The following NAPA variants were observed in gnomAD, a reference collection of about 807,000 sequenced individuals.
The protein encoded by NAPA is alpha-soluble NSF attachment protein.
In NAPA, 18 loss-of-function variants were observed where a neutral mutation model predicts 48.0. That is an observed-to-expected ratio of 0.38 (90% CI 0.26 to 0.56). The LOEUF (loss-of-function observed/expected upper bound fraction) is 0.56. Among genes scored for constraint, NAPA ranks in the 20% least tolerant of loss-of-function variants. The probability of loss-of-function intolerance (pLI) is 0.77; values close to 1 mark genes in which losing one functional copy is unlikely to be tolerated. For missense variants in NAPA, 315 were observed against 385.0 expected (o/e 0.82, Z 1.52); for synonymous variants, 152 against 149.9 (o/e 1.01, Z -0.10).
intron 9 of NAPA, among the ~76,000 whole-genome samples, chr19:47,490,075 GGTGT>G (rs397963943): frequency 6.0e-5 from 9 of 149,228 alleles, no homozygotes; most frequent in African/African-American, 2.2e-4. Flanking sequence ...GTGTGTGTGT[GGTGT>G]GTGTGTTGGG....
chr19:47,498,593 C>CT (rs1039274103), intron 3 of NAPA, among the ~76,000 whole-genome samples: 30 of 152,046 alleles, frequency 2.0e-4, no homozygotes, highest in African/African-American at 2.4e-4. Context: ...CTCTGTGAGG[C>CT]TTTTTTTTGG....
At chr19:47,502,896 G>A (rs1167824479) in intron 2 of NAPA, among the ~76,000 whole-genome samples, 3 of 152,182 alleles carry the variant, frequency 2.0e-5, no homozygotes, top group Admixed American at 6.5e-5. Flanking sequence ...TCACTTACTA[G>A]TTCTGGCATC....
At chr19:47,495,734 C>T in intron 3 of NAPA, 138 bp from the exon 4 acceptor site, 1 of 767,016 alleles carries the variant, frequency 1.3e-6, no homozygotes, top group Non-Finnish European at 2.3e-6. Flanking sequence ...AGCGCTGCCA[C>T]ACACTCTCAA....
chr19:47,497,669 G>A (rs541613461), intron 3 of NAPA, among the ~76,000 whole-genome samples: 18 of 152,364 alleles, frequency 1.2e-4, no homozygotes, highest in African/African-American at 2.2e-4. Context: ...CCAGGCCACC[G>A]CCCATCCCCG....
At chr19:47,488,520 G>C in intron 10 of NAPA, 131 bp from the exon 11 acceptor site, 1 of 636,730 alleles carries the variant, frequency 1.6e-6, no homozygotes, top group Non-Finnish European at 2.7e-6. Flanking sequence ...GTAGAGGGAG[G>C]GCTTGAGGCC....
At chr19:47,495,771 CCT>C in intron 3 of NAPA, 175 bp from the exon 4 acceptor site, 1 of 632,294 alleles carries the variant, frequency 1.6e-6, no homozygotes, top group South Asian at 1.8e-5. Flanking sequence ...GGACGGAATC[CCT>C]GAGCCCCAGG....
At chr19:47,488,618 A>G (rs1968148798) in intron 10 of NAPA, 1 of 111,210 alleles carries the variant, frequency 9.0e-6, no homozygotes, top group Admixed American at 1.1e-4. Flanking sequence ...TTGTAGCTTT[A>G]AAAAAAAAAA....
intron 1 of NAPA, among the ~76,000 whole-genome samples, chr19:47,510,615 G>C (rs980051886): frequency 5.9e-5 from 9 of 152,160 alleles, no homozygotes; most frequent in African/African-American, 1.9e-4. Context: ...TTTTATTTTG[G>C]CTATTTTGGG....
chr19:47,490,134 T>C lies in NAPA; in HGVS notation c.736-373A>G, dbSNP rs1394984575. 2.1e-5 allele frequency among the ~76,000 whole-genome samples: 3 copies of C among 143,400 alleles called. No individual in the cohort carries two copies. In the East Asian group the frequency reaches 6.3e-4, roughly 30 times the overall value. 94.1% of individuals were successfully genotyped at this position (143,400 alleles called of 152,430 possible). A position where few individuals can be genotyped will look rare whatever the true frequency, so the allele number is the denominator to read the frequency against. ...GTGTGGTGTTTGGTGTGTGTTGAGTTGCGTGTGTGGTGTGTTCGGTGTGTG... is the reference window on the plus strand; with the variant it reads ...GTGTGGTGTTTGGTGTGTGTTGAGTCGCGTGTGTGGTGTGTTCGGTGTGTG... On this transcript the variant is annotated intron_variant, in intron 9 of 10. Coordinates refer to ENST00000263354, the MANE Select transcript of NAPA (RefSeq NM_003827.4).
At position 47,506,518 on chromosome 19, in the gene NAPA, T is replaced by C. The variant is rs1968696242; in HGVS notation, c.99-3016A>G. 6.6e-6 allele frequency among the ~76,000 whole-genome samples: 1 copy of C among 152,192 alleles called. No homozygotes were observed. Among genetic ancestry groups the C allele is most frequent in the African/African-American group, 2.4e-5 (1 of 41,452 alleles). ...CTCAGCCTTCCCTTCTTTTTGAGTG[T>C]GACTAAGTCCTATCCAGCTCCATGC... On this transcript the variant is annotated intron_variant, in intron 1 of 10. Coordinates refer to ENST00000263354, the MANE Select transcript of NAPA (RefSeq NM_003827.4). The surrounding 1 kb of genome is among the most constrained non-coding windows in gnomAD (Gnocchi z 4.0).
chr19:47,491,037 C>A (rs990380111), intron 8 of NAPA, 181 bp from the exon 9 acceptor site: 5 of 536,772 alleles, frequency 9.3e-6, no homozygotes, highest in Non-Finnish European at 1.3e-5. Context: ...CTGAGCTCAG[C>A]ACCAGCCTGG....
chr19:47,487,177 C>G (rs370909988), downstream of NAPA, among the ~76,000 whole-genome samples: 119 of 152,296 alleles, frequency 7.8e-4, 3 homozygotes, highest in South Asian at 8.7e-3. Flanking sequence ...CTCTGCCCAC[C>G]AAAGCCGCTT....
intron 1 of NAPA, among the ~76,000 whole-genome samples, chr19:47,512,243 G>A (rs558756435): frequency 5.4e-4 from 82 of 152,120 alleles, no homozygotes; most frequent in Non-Finnish European, 8.2e-4. Flanking sequence ...CTCCCGTCAC[G>A]GTAGATCTCT....
chr19:47,508,783 T>TG (rs1306876172), intron 1 of NAPA, among the ~76,000 whole-genome samples: 1 of 152,040 alleles, frequency 6.6e-6, no homozygotes, highest in African/African-American at 2.4e-5. Flanking sequence ...ATTCCATTCT[T>TG]TATCTACAAA....
intron 3 of NAPA, among the ~76,000 whole-genome samples, chr19:47,499,328 C>T (rs905569264): frequency 2.2e-4 from 34 of 152,344 alleles, no homozygotes; most frequent in African/African-American, 7.0e-4. Flanking sequence ...AGCAGCTGAA[C>T]GTCACAGATG....
In NAPA at chr19:47,495,655, TGAG is replaced by T. The variant is rs1968403612; in HGVS notation, c.296-62_296-60del. 1.9e-6 allele frequency: 3 copies of T among 1,569,956 alleles called. No homozygotes were observed. The East Asian group carries it at 6.7e-5, about 35-fold the overall frequency. On this transcript the variant is annotated intron_variant, in intron 3 of 10. Coordinates refer to ENST00000263354, the MANE Select transcript of NAPA (RefSeq NM_003827.4). ...AAAGTGAAGTCGTTTCAGCAGAAGC[TGAG>T]GAGAGGAGGCGGACGCAGGCGCACC...
chr19:47,499,261 G>A (rs1018014740), intron 3 of NAPA, among the ~76,000 whole-genome samples: 1 of 152,210 alleles, frequency 6.6e-6, no homozygotes, highest in South Asian at 2.1e-4. Flanking sequence ...CTCTCTGTTC[G>A]GCAGCCTGGC....
chr19:47,500,589 G>A (rs750100251), intron 3 of NAPA, 44 bp downstream of exon 3: 11 of 1,512,704 alleles, frequency 7.3e-6, no homozygotes, highest in Middle Eastern at 2.1e-4. Flanking sequence ...GTGCTAGGAT[G>A]GCGCTCCGGA....
intron 1 of NAPA, among the ~76,000 whole-genome samples, chr19:47,509,576 C>G (rs1317604081): frequency 6.6e-6 from 1 of 152,210 alleles, no homozygotes. Context: ...GAGCATCCCT[C>G]TCATCAGGCC....
Sources: gnomAD v4.1 joint callset for allele counts (sites outside exome capture counted in the v4.1 genomes callset) on GRCh38, gnomAD v4.1.1 for gene constraint, Gnocchi (gnomAD v3.1) non-coding constraint, MANE v1.5 for transcripts, NCBI Gene and HGNC (gene_info 2026-07-23, HGNC 2026-07-21) for gene names.